Variants in AVEN observed in about 807,000 individuals in gnomAD.
The protein encoded by AVEN is cell death regulator Aven.
A neutral mutation model predicts 38.1 loss-of-function variants in AVEN; 41 were observed. That is an observed-to-expected ratio of 1.08 (90% CI 0.84 to 1.40). The LOEUF (loss-of-function observed/expected upper bound fraction) is 1.40, where lower values mean the gene tolerates loss of function less well. AVEN is among the 40% of genes most tolerant of loss of function. AVEN has a pLI of 0.00. For synonymous variants in AVEN, 206 were observed against 171.8 expected (o/e 1.20, Z -1.56); for missense variants, 605 against 438.8 (o/e 1.38, Z -3.38).
chr15:34,040,994 C>A (rs903637738), upstream of AVEN, among the ~76,000 whole-genome samples: 6 of 152,004 alleles, frequency 3.9e-5, no homozygotes, highest in Admixed American at 3.9e-4. Context: ...GGTTAAATAT[C>A]TACCAGCATA....
chr15:33,950,793 G>C (rs1894710125), intron 2 of AVEN, among the ~76,000 whole-genome samples: 1 of 152,188 alleles, frequency 6.6e-6, no homozygotes, highest in African/African-American at 2.4e-5. Context: ...ACAGCTTGAA[G>C]CCAGCAGTTC....
intron 2 of AVEN, among the ~76,000 whole-genome samples, chr15:33,962,617 C>G (rs924080701): frequency 1.3e-5 from 2 of 152,116 alleles, no homozygotes; most frequent in Non-Finnish European, 2.9e-5. Context: ...TTTTAACATG[C>G]CACATCAGAC....
At chr15:34,052,670 C>G (rs1158255469) in intron 5 of AVEN, among the ~76,000 whole-genome samples, 1 of 152,170 alleles carries the variant, frequency 6.6e-6, no homozygotes, top group Non-Finnish European at 1.5e-5. Flanking sequence ...AATCAATGTG[C>G]AAAAATTGCT....
intron 1 of AVEN, among the ~76,000 whole-genome samples, chr15:34,036,016 G>A (rs1195216824): frequency 1.3e-5 from 2 of 151,810 alleles, no homozygotes; most frequent in African/African-American, 2.4e-5. Context: ...GTCTGGTCTC[G>A]AACTCCCAGA....
chr15:33,945,759 T>C (rs1172846628), intron 2 of AVEN, among the ~76,000 whole-genome samples: 1 of 152,104 alleles, frequency 6.6e-6, no homozygotes, highest in Non-Finnish European at 1.5e-5. Context: ...CTAATTTTTT[T>C]GTATTTTCGT....
At chr15:34,065,541 G>T (rs1460614433) in intron 4 of AVEN, 1 of 152,064 alleles carries the variant, frequency 6.6e-6, no homozygotes, top group African/African-American at 2.4e-5. Flanking sequence ...TCCAAATTCG[G>T]TCACAAATGA....
chr15:34,071,150 G>A (rs1900616378), intron 1 of AVEN, among the ~76,000 whole-genome samples: 1 of 152,138 alleles, frequency 6.6e-6, no homozygotes, highest in Admixed American at 6.5e-5. Flanking sequence ...ATGATTTTCT[G>A]ACAAGGGTTA....
chr15:33,960,750 A>G (rs994226401), intron 2 of AVEN, among the ~76,000 whole-genome samples: 5 of 152,176 alleles, frequency 3.3e-5, no homozygotes, highest in Non-Finnish European at 7.4e-5. Flanking sequence ...CGACTTGAGT[A>G]TAACATAAAG....
intron 2 of AVEN, among the ~76,000 whole-genome samples, chr15:33,971,843 G>A (rs532327116): frequency 1.5e-4 from 23 of 152,094 alleles, no homozygotes; most frequent in Non-Finnish European, 2.6e-4. Flanking sequence ...GAATAAGGAT[G>A]TAGTTCACCA....
chr15:33,969,378 ATCTTTG>A (rs1895528823), intron 2 of AVEN, among the ~76,000 whole-genome samples: 1 of 151,974 alleles, frequency 6.6e-6, no homozygotes, highest in African/African-American at 2.4e-5. Flanking sequence ...AATTTGTCTC[ATCTTTG>A]TCTTTATTTT....
chr15:33,867,692 T>C lies in AVEN; in HGVS notation c.776A>G (p.Asn259Ser), dbSNP rs1269131038. The change falls in exon 5 of 6, where the codon AAC becomes AGC. Residue 259 changes from asparagine to serine, a missense_variant. By Grantham distance (46) the Asn-to-Ser change is conservative (BLOSUM62 1). Transcript: ENST00000306730. ...AGCPVLLGKDNPSPGPSRDSQ... is the reference protein window; with the variant it reads ...AGCPVLLGKDSPSPGPSRDSQ... ...ATCCCTTGAAGGACCCGGGCTTGGG[T>C]TGTCTTTGCCCAGCAACACAGGGCA... The C allele has an allele frequency of 1.9e-6, 3 of 1,614,096 alleles. No individual in the cohort carries two copies. Among genetic ancestry groups the C allele is most frequent in the South Asian group, 2.2e-5 (2 of 91,074 alleles).
intron 2 of AVEN, among the ~76,000 whole-genome samples, chr15:33,905,027 G>C (rs746229618): frequency 5.9e-5 from 9 of 151,614 alleles, no homozygotes; most frequent in Non-Finnish European, 1.3e-4. Flanking sequence ...CTACTCAGGA[G>C]GCTGAGGCAG....
chr15:33,852,796 A>G, the AVEN span: 1 of 406,868 alleles, frequency 2.5e-6, no homozygotes, highest in African/African-American at 2.1e-5. Context: ...GCTCCAAATC[A>G]TAATTCTGAG....
intron 2 of AVEN, among the ~76,000 whole-genome samples, chr15:33,951,077 G>A (rs186441660): frequency 6.0e-4 from 90 of 149,598 alleles, no homozygotes; most frequent in African/African-American, 2.1e-3. Flanking sequence ...GAGGGAAGAG[G>A]CGAGTGGGGG....
chr15:33,959,509 C>T (rs1007677856), intron 2 of AVEN, among the ~76,000 whole-genome samples: 4 of 152,140 alleles, frequency 2.6e-5, no homozygotes, highest in East Asian at 1.9e-4. Context: ...CATAGCCCTC[C>T]GAGCACCACA....
At chr15:33,937,007 T>C (rs1473004553) in intron 2 of AVEN, among the ~76,000 whole-genome samples, 2 of 151,162 alleles carry the variant, frequency 1.3e-5, no homozygotes, top group African/African-American at 4.9e-5. Context: ...GGCGGGCGCC[T>C]GTAGTCCCAG....
At chr15:33,925,951 C>A (rs952083828) in intron 2 of AVEN, among the ~76,000 whole-genome samples, 25 of 152,112 alleles carry the variant, frequency 1.6e-4, no homozygotes, top group Admixed American at 1.5e-3. Context: ...CTTAATTATG[C>A]CTTCTCCGCA....
intron 2 of AVEN, among the ~76,000 whole-genome samples, chr15:33,916,732 CTGG>C (rs1428618274): frequency 2.0e-5 from 3 of 151,924 alleles, no homozygotes; most frequent in Non-Finnish European, 2.9e-5. Flanking sequence ...TTTTACACTG[CTGG>C]TGTGAATGTA....
At chr15:33,921,036 A>AAAGTGCTGGGATTACTGGCGT in intron 2 of AVEN, among the ~76,000 whole-genome samples, 1 of 152,290 alleles carries the variant, frequency 6.6e-6, no homozygotes, top group South Asian at 2.1e-4. Context: ...TCAGCCTCCC[A>AAAGTGCTGGGATTACTGGCGT]AAGTGCTGGG....
Sources: allele counts gnomAD v4.1 joint callset (sites outside exome capture counted in the v4.1 genomes callset), GRCh38; gene constraint gnomAD v4.1.1; transcripts MANE v1.5; gene names NCBI Gene and HGNC (gene_info 2026-07-23, HGNC 2026-07-21).